AKR1B15: variants seen among roughly 807,000 people sequenced by gnomAD.
AKR1B15 encodes the protein aldo-keto reductase family 1 member B15, also known as estradiol 17-beta-dehydrogenase AKR1B15.
Under a neutral mutation model 38.5 loss-of-function variants are expected in AKR1B15, and 49 were observed. That is an observed-to-expected ratio of 1.27 (90% confidence interval 1.01 to 1.62). AKR1B15 has a LOEUF of 1.62. Among genes scored for constraint, AKR1B15 ranks in the 40% most tolerant of loss-of-function variants. AKR1B15 has a pLI of 0.00. For synonymous variants in AKR1B15, 137 were observed against 135.5 expected (o/e 1.01, Z -0.08); for missense variants, 411 against 381.6 (o/e 1.08, Z -0.64).
Position 134,579,674 on chromosome 7 carries a change from AC to A in AKR1B15, c.*127del. 1 of 813,298 alleles carries A rather than the reference AC, an allele frequency of 1.2e-6. No homozygotes were observed. The highest frequency in any genetic ancestry group is 1.9e-6 in the Non-Finnish European group (1 of 529,000). The allele number at this position is 813,298 out of a possible 1,614,324, so 50.4% of individuals were successfully genotyped here. A position where few individuals can be genotyped will look rare whatever the true frequency, so the allele number is the denominator to read the frequency against. On this transcript the variant is annotated 3_prime_UTR_variant, in exon 12 of 12. Transcript: ENST00000457545. ...CACAGTGAACTTTGTCCTGTTGTAG[AC>A]CAGAATGGAGGTGCTGTTTTAGACA...
chr7:134,563,480 A>G (rs528792670), intron 2 of AKR1B15, among the ~76,000 whole-genome samples: 1 of 152,276 alleles, frequency 6.6e-6, no homozygotes, highest in African/African-American at 2.4e-5. Context: ...CCTGGGAGAC[A>G]GAGGTTGCAG....
chr7:134,561,567 T>C (rs972410902), intron 2 of AKR1B15, among the ~76,000 whole-genome samples: 8 of 152,224 alleles, frequency 5.3e-5, no homozygotes, highest in African/African-American at 1.9e-4. Context: ...AGTGTTAACA[T>C]TTTTCACTCA....
At chr7:134,573,456 T>G in intron 6 of AKR1B15, 1 of 985,410 alleles carries the variant, frequency 1.0e-6, no homozygotes, top group Non-Finnish European at 1.2e-6. Context: ...GGATGACTGC[T>G]AAAGAAAACA....
chr7:134,569,668 C>T (rs1457180477), intron 5 of AKR1B15, 139 bp downstream of exon 5: 2 of 855,840 alleles, frequency 2.3e-6, no homozygotes, highest in African/African-American at 1.7e-5. Flanking sequence ...TAATTCCCCA[C>T]ATTAATGTTT....
intron 10 of AKR1B15, 147 bp downstream of exon 10, chr7:134,577,193 G>C: frequency 1.2e-6 from 1 of 829,668 alleles, no homozygotes; most frequent in Non-Finnish European, 1.9e-6. Flanking sequence ...AGGGAGCTAG[G>C]CTCGGTAGAG....
chr7:134,573,925 A>G (rs1246384777), intron 6 of AKR1B15, among the ~76,000 whole-genome samples: 1 of 152,138 alleles, frequency 6.6e-6, no homozygotes, highest in Non-Finnish European at 1.5e-5. Context: ...ATTTAGAGAG[A>G]GTCTTGCTCT....
chr7:134,559,804 GTTGA>G (rs1360672028), intron 2 of AKR1B15, among the ~76,000 whole-genome samples: 7 of 152,122 alleles, frequency 4.6e-5, no homozygotes, highest in Non-Finnish European at 8.8e-5. Flanking sequence ...ACCTTCTGGG[GTTGA>G]TTAAGAGTAG....
rs1562947050 is a variant in AKR1B15, at chr7:134,562,870, CTTT to C, written c.-22-1727_-22-1725del. On this transcript the variant is annotated intron_variant, in intron 2 of 11. Transcript: ENST00000457545. Reference sequence around the variant, plus strand: ...TCTTTCTTTCTTTCTTTCTTTCTTTCTTTCTTTCTTTCTTTCTTTCCTTCTTTC... The same window carrying C: ...TCTTTCTTTCTTTCTTTCTTTCTTTCCTTTCTTTCTTTCTTTCCTTCTTTC... Among the ~76,000 whole-genome samples the C allele has an allele frequency of 2.3e-3, 324 of 141,944 alleles. 1 individual carries two copies. Among genetic ancestry groups the C allele is most frequent in the African/African-American group, 8.3e-3 (307 of 36,868 alleles). The allele number at this position is 141,944 out of a possible 152,430, so 93.1% of individuals were successfully genotyped here.
At chr7:134,552,180 A>T (rs77929163) in intron 1 of AKR1B15, among the ~76,000 whole-genome samples, 50 of 152,236 alleles carry the variant, frequency 3.3e-4, no homozygotes, top group Non-Finnish European at 6.5e-4. Context: ...CCCTCCTCGG[A>T]TGAGACCTGC....
chr7:134,569,648 G>T, intron 5 of AKR1B15, 119 bp downstream of exon 5: 2 of 1,053,826 alleles, frequency 1.9e-6, no homozygotes, highest in Non-Finnish European at 1.4e-6. Flanking sequence ...AAGATTTCAT[G>T]GACATTTCTT....
chr7:134,567,608 A>T (rs1177719287), intron 3 of AKR1B15, among the ~76,000 whole-genome samples: 2 of 152,106 alleles, frequency 1.3e-5, no homozygotes, highest in South Asian at 4.2e-4. Flanking sequence ...GCTTAGACCC[A>T]CACACCCAGT....
chr7:134,552,713 C>T (rs902796309), intron 1 of AKR1B15, among the ~76,000 whole-genome samples: 2 of 152,150 alleles, frequency 1.3e-5, no homozygotes, highest in African/African-American at 4.8e-5. Flanking sequence ...ATATGGTGTA[C>T]ACTGTCCTTG....
intron 2 of AKR1B15, among the ~76,000 whole-genome samples, chr7:134,558,412 A>C (rs775487702): frequency 4.6e-5 from 7 of 152,200 alleles, no homozygotes; most frequent in Non-Finnish European, 7.3e-5. Flanking sequence ...TAAAGCGCTA[A>C]TTGAAAACAT....
At chr7:134,555,226 C>A (rs2113451) in intron 1 of AKR1B15, among the ~76,000 whole-genome samples, 63,526 of 151,772 alleles carry the variant, frequency 0.42, 13,679 homozygotes, top group Non-Finnish European at 0.45. Flanking sequence ...GGGGAGCACA[C>A]CCCAGCCCAG....
At chr7:134,555,213 T>C (rs533888234) in intron 1 of AKR1B15, among the ~76,000 whole-genome samples, 1 of 152,238 alleles carries the variant, frequency 6.6e-6, no homozygotes, top group Admixed American at 6.5e-5. Context: ...CAGCTGCTTG[T>C]CAGGGGAGCA....
intron 2 of AKR1B15, among the ~76,000 whole-genome samples, chr7:134,563,552 A>C (rs1293869106): frequency 3.3e-5 from 5 of 152,184 alleles, no homozygotes; most frequent in African/African-American, 4.8e-5. Context: ...CGTCTCAAAA[A>C]CAAACAAACA....
Position 134,576,345 on chromosome 7 carries a change from CT to C in AKR1B15, c.744-3del, listed in dbSNP as rs1467706793. The C allele has an allele frequency of 1.2e-5, 20 of 1,613,594 alleles. No homozygotes were observed. The highest frequency in any genetic ancestry group is 1.7e-5 in the Non-Finnish European group (20 of 1,179,852). ...TATTCACATCAGCATCTTTCTGCCCCTAGGGCCAAACCTGAGGACCCTTCCC... is the reference window on the plus strand; with the variant it reads ...TATTCACATCAGCATCTTTCTGCCCCAGGGCCAAACCTGAGGACCCTTCCC... On this transcript the variant is annotated splice_polypyrimidine_tract_variant and splice_region_variant and intron_variant, in intron 8 of 11. Coordinates refer to ENST00000457545, the MANE Select transcript of AKR1B15 (RefSeq NM_001080538.3).
chr7:134,566,943 C>G (rs993778058), intron 3 of AKR1B15, among the ~76,000 whole-genome samples: 1 of 152,222 alleles, frequency 6.6e-6, no homozygotes, highest in African/African-American at 2.4e-5. Context: ...GGAATCTGCT[C>G]ACCCTTCATA....
intron 2 of AKR1B15, among the ~76,000 whole-genome samples, chr7:134,557,355 C>T (rs547724602): frequency 1.3e-5 from 2 of 152,092 alleles, no homozygotes; most frequent in African/African-American, 4.8e-5. Context: ...TCTGATTCCC[C>T]CAAACACGAG....
Sources: gnomAD v4.1 joint callset for allele counts (sites outside exome capture counted in the v4.1 genomes callset) on GRCh38, gnomAD v4.1.1 for gene constraint, MANE v1.5 for transcripts, NCBI Gene and HGNC (gene_info 2026-07-23, HGNC 2026-07-21) for gene names.